Variants in NTM observed in about 807,000 individuals in gnomAD.
The protein encoded by NTM is IgLON family member 2.
NTM carries 13 observed loss-of-function variants against 42.1 expected under a neutral mutation model. The ratio of observed to expected loss-of-function variants is 0.31; its 90% CI spans 0.20 to 0.49. The LOEUF (loss-of-function observed/expected upper bound fraction) is 0.49, where lower values mean the gene tolerates loss of function less well. NTM is among the 20% of genes least tolerant of loss of function. NTM has a pLI of 0.99. For synonymous variants in NTM, 187 were observed against 179.2 expected, an observed-to-expected ratio of 1.04 and a Z score of -0.35; for missense variants, 373 against 452.8, an observed-to-expected ratio of 0.82 and a Z score of 1.60.
intron 1 of NTM, among the ~76,000 whole-genome samples, chr11:131,827,978 T>C (rs562888638): frequency 1.3e-5 from 2 of 152,272 alleles, no homozygotes; most frequent in Admixed American, 1.3e-4. Flanking sequence ...CTTACTTTTC[T>C]ACATTTTGTA....
At chr11:131,371,628 C>T (rs977980178) in intron 1 of NTM, among the ~76,000 whole-genome samples, 13 of 152,148 alleles carry the variant, frequency 8.5e-5, no homozygotes, top group Non-Finnish European at 1.0e-4. Context: ...CAGTTGAGTG[C>T]AAGCTTTGAT....
intron 1 of NTM, among the ~76,000 whole-genome samples, chr11:131,672,605 G>C (rs1325212249): frequency 2.6e-5 from 4 of 152,154 alleles, no homozygotes; most frequent in Admixed American, 6.5e-5. Flanking sequence ...CTGTAGGCTG[G>C]CATTAATTGT....
chr11:131,511,540 C>G (rs2048247794), intron 1 of NTM, among the ~76,000 whole-genome samples: 1 of 152,188 alleles, frequency 6.6e-6, no homozygotes. Flanking sequence ...AGCCTAAGGT[C>G]TCATGTAAGC....
chr11:131,435,881 G>A (rs1267895775), intron 1 of NTM, among the ~76,000 whole-genome samples: 1 of 152,186 alleles, frequency 6.6e-6, no homozygotes, highest in Non-Finnish European at 1.5e-5. Context: ...CAAAGGGAAT[G>A]CTTCCAGTTT....
chr11:132,016,786 C>G (rs1186590188), intron 2 of NTM, among the ~76,000 whole-genome samples: 1 of 151,908 alleles, frequency 6.6e-6, no homozygotes, highest in Non-Finnish European at 1.5e-5. Context: ...TCTGTTTTCT[C>G]TAAATCCTTA....
intron 1 of NTM, among the ~76,000 whole-genome samples, chr11:131,881,419 C>G (rs1055506802): frequency 6.6e-6 from 1 of 151,548 alleles, no homozygotes; most frequent in African/African-American, 2.4e-5. Flanking sequence ...CTTGACCCTA[C>G]AGAATTTCAG....
chr11:131,589,505 C>G (rs2059175478), intron 1 of NTM, among the ~76,000 whole-genome samples: 1 of 152,164 alleles, frequency 6.6e-6, no homozygotes, highest in African/African-American at 2.4e-5. Flanking sequence ...TCTGCAGAGG[C>G]AAAACAACCC....
chr11:131,761,787 C>T (rs937279180), intron 1 of NTM, among the ~76,000 whole-genome samples: 3 of 149,870 alleles, frequency 2.0e-5, no homozygotes, highest in Admixed American at 2.0e-4. Context: ...CCAGCCTGGG[C>T]AATAAGAGCG....
chr11:131,387,436 G>A (rs1018135932), intron 1 of NTM, among the ~76,000 whole-genome samples: 1 of 152,090 alleles, frequency 6.6e-6, no homozygotes, highest in South Asian at 2.1e-4. Context: ...GCTCTCTAAC[G>A]GGAATGTTCT....
intron 2 of NTM, among the ~76,000 whole-genome samples, chr11:131,972,042 C>CAAAAAAAAAAAAAAAAAAAAAAAAAA (rs61627120): frequency 1.7e-5 from 1 of 57,842 alleles, no homozygotes; most frequent in African/African-American, 6.8e-5. Context: ...GACTCCGTCT[C>CAAAAAAAAAAAAAAAAAAAAAAAAAA]AAAAAAAAAA....
intron 4 of NTM, among the ~76,000 whole-genome samples, chr11:132,285,945 T>C (rs557694928): frequency 6.6e-6 from 1 of 152,118 alleles, no homozygotes; most frequent in African/African-American, 2.4e-5. Flanking sequence ...AAAAATGGAG[T>C]TCAGCTCAGG....
Position 131,598,846 on chromosome 11 carries a change from T to C in NTM, c.82+227958T>C, listed in dbSNP as rs1265833135. On this transcript the variant is annotated intron_variant, in intron 1 of 8. Coordinates refer to ENST00000683400, the MANE Select transcript of NTM (RefSeq NM_001352005.2). Reference sequence around the variant, plus strand: ...TCTTTCTTCTTTCTTTCTTTCTTTCTTTCTTCCTTCCTTCCTTCCTTCCTT... The same window carrying C: ...TCTTTCTTCTTTCTTTCTTTCTTTCCTTCTTCCTTCCTTCCTTCCTTCCTT... 1.8e-3 allele frequency among the ~76,000 whole-genome samples: 57 copies of C among 31,158 alleles called. 6 individuals are homozygous for C. Among genetic ancestry groups the C allele is most frequent in the African/African-American group, 3.5e-3 (43 of 12,344 alleles). The allele number at this position is 31,158 out of a possible 152,430, so 20.4% of individuals were successfully genotyped here.
At chr11:131,571,001 A>G (rs2057391247) in intron 1 of NTM, among the ~76,000 whole-genome samples, 1 of 152,212 alleles carries the variant, frequency 6.6e-6, no homozygotes, top group Non-Finnish European at 1.5e-5. Context: ...ATGGCAGTGC[A>G]GAGTGGTAGT....
chr11:132,230,062 A>G (rs1459052057), intron 4 of NTM, among the ~76,000 whole-genome samples: 2 of 152,260 alleles, frequency 1.3e-5, no homozygotes, highest in Admixed American at 1.3e-4. Flanking sequence ...TGTCTCTAAT[A>G]TAAATGACAA....
chr11:132,247,332 T>C (rs2091323531), intron 4 of NTM, among the ~76,000 whole-genome samples: 1 of 152,220 alleles, frequency 6.6e-6, no homozygotes, highest in Non-Finnish European at 1.5e-5. Flanking sequence ...GCTTAGTTGC[T>C]ATGAGGCTCC....
intron 2 of NTM, among the ~76,000 whole-genome samples, chr11:131,964,669 C>T (rs1362728118): frequency 6.6e-6 from 1 of 152,138 alleles, no homozygotes; most frequent in Admixed American, 6.5e-5. Context: ...GCATCATTGT[C>T]CCTGTGATCA....
chr11:131,947,306 T>A (rs908477631), intron 2 of NTM, among the ~76,000 whole-genome samples: 1 of 152,262 alleles, frequency 6.6e-6, no homozygotes, highest in South Asian at 2.1e-4. Flanking sequence ...GGGTTTATCT[T>A]CCCACCTGAT....
chr11:132,194,240 C>G (rs925095793), intron 3 of NTM, among the ~76,000 whole-genome samples: 23 of 152,232 alleles, frequency 1.5e-4, no homozygotes, highest in African/African-American at 5.1e-4. Context: ...CAAACCTAAT[C>G]CAGCAACACA....
At chr11:132,316,918 G>A (rs926507526) in intron 7 of NTM, among the ~76,000 whole-genome samples, 2 of 152,192 alleles carry the variant, frequency 1.3e-5, no homozygotes, top group Non-Finnish European at 2.9e-5. Context: ...ACTTGGGGCA[G>A]GTTGGAAAGC....
Sources: gnomAD v4.1 joint callset for allele counts (sites outside exome capture counted in the v4.1 genomes callset) on GRCh38, gnomAD v4.1.1 for gene constraint, MANE v1.5 for transcripts, NCBI Gene and HGNC (gene_info 2026-07-23, HGNC 2026-07-21) for gene names.